PDE1A: variants seen among roughly 807,000 people sequenced by gnomAD.
PDE1A encodes dual specificity calcium/calmodulin-dependent 3',5'-cyclic nucleotide phosphodiesterase 1A.
PDE1A carries 35 observed loss-of-function variants against 61.7 expected under a neutral mutation model. That is an observed-to-expected ratio of 0.57 (90% confidence interval 0.43 to 0.75). PDE1A has a LOEUF of 0.75. Ranked by LOEUF, PDE1A falls within the 30% of genes least tolerant of loss-of-function variation. The pLI is 0.00. For synonymous variants in PDE1A, 232 were observed against 213.2 expected (o/e 1.09, Z -0.77); for missense variants, 597 against 630.6 (o/e 0.95, Z 0.57).
intron 1 of PDE1A, among the ~76,000 whole-genome samples, chr2:182,344,771 T>C (rs150013423): frequency 0.015 from 2,159 of 142,896 alleles, 37 homozygotes; most frequent in South Asian, 0.071. Flanking sequence ...CACACACACA[T>C]ACACAGTGTG....
intron 2 of PDE1A, among the ~76,000 whole-genome samples, chr2:182,501,731 A>G (rs545338915): frequency 6.6e-6 from 1 of 152,212 alleles, no homozygotes; most frequent in Admixed American, 6.5e-5. Flanking sequence ...CAATTCATTG[A>G]CCTCACCCAC....
chr2:182,564,216 T>C, the PDE1A span, among the ~76,000 whole-genome samples: 9 of 152,338 alleles, frequency 5.9e-5, no homozygotes, highest in African/African-American at 1.9e-4. Flanking sequence ...CCATGTTTAG[T>C]GCTTCCTTCA....
chr2:182,246,401 C>CTTT lies in PDE1A; in HGVS notation c.168-6112_168-6110dup, dbSNP rs761118177. 1.6e-3 allele frequency among the ~76,000 whole-genome samples: 100 copies of CTTT among 61,462 alleles called. 14 individuals carry two copies. Among genetic ancestry groups the CTTT allele is most frequent in the African/African-American group, 1.8e-3 (18 of 10,144 alleles). The allele number at this position is 61,462 out of a possible 152,430, so 40.3% of individuals were successfully genotyped here. ...TCTACTATAGTCTTTTTTCTTTTTT[C>CTTT]TTTCTTTTTTTTTTTTTTTTTTGAC... On this transcript the variant is annotated intron_variant, in intron 2 of 13. Coordinates refer to ENST00000351439, the Ensembl canonical transcript of PDE1A.
chr2:182,600,485 G>A, the PDE1A span, among the ~76,000 whole-genome samples: 6 of 152,274 alleles, frequency 3.9e-5, no homozygotes, highest in East Asian at 1.2e-3. Flanking sequence ...TTCATGGAGA[G>A]AGCTGTTTTA....
At chr2:182,527,322 AAAAAAATATATATATATAT>A (rs1690789312), upstream of PDE1A, among the ~76,000 whole-genome samples, 11 of 42,170 alleles carry the variant, frequency 2.6e-4, no homozygotes, top group South Asian at 4.2e-3. Flanking sequence ...AAAAAAAAAA[AAAAAAATATATATATATAT>A]ATATATATAT....
intron 2 of PDE1A, among the ~76,000 whole-genome samples, chr2:182,456,141 A>T (rs2887202): frequency 0.47 from 71,213 of 151,826 alleles, 16,965 homozygotes; most frequent in East Asian, 0.72. Flanking sequence ...ACCTAGCTCT[A>T]ATCGGGTTCT....
intron 1 of PDE1A, among the ~76,000 whole-genome samples, chr2:182,275,734 T>C (rs1693362569): frequency 6.6e-6 from 1 of 152,158 alleles, no homozygotes; most frequent in Non-Finnish European, 1.5e-5. Context: ...CGTAAATTCA[T>C]AATCTCATTA....
the PDE1A span, among the ~76,000 whole-genome samples, chr2:182,531,378 T>TTAA: frequency 4.1e-5 from 6 of 145,472 alleles, no homozygotes; most frequent in South Asian, 1.1e-3. Context: ...AAAAAGGTAG[T>TTAA]AAAAAAAAAA....
At chr2:182,244,367 TA>T (rs72140380) in intron 2 of PDE1A, among the ~76,000 whole-genome samples, 10 of 150,678 alleles carry the variant, frequency 6.6e-5, no homozygotes, top group Non-Finnish European at 3.0e-5. Context: ...TTTCTTTTTT[TA>T]AAAAAACTTT....
intron 1 of PDE1A, among the ~76,000 whole-genome samples, chr2:182,416,740 T>C (rs1702941074): frequency 6.6e-6 from 1 of 152,210 alleles, no homozygotes; most frequent in African/African-American, 2.4e-5. Flanking sequence ...AAAATATGTT[T>C]CTTTGGAACA....
At chr2:182,580,572 G>A in the PDE1A span, among the ~76,000 whole-genome samples, 1 of 152,156 alleles carries the variant, frequency 6.6e-6, no homozygotes, top group African/African-American at 2.4e-5. Context: ...GAATTTGGGG[G>A]TGGAGAGCCA....
At chr2:182,431,506 C>T (rs572100175), upstream of PDE1A, among the ~76,000 whole-genome samples, 6 of 152,260 alleles carry the variant, frequency 3.9e-5, no homozygotes, top group South Asian at 1.2e-3. Context: ...AACTTTACCG[C>T]TTTACCTCTA....
the PDE1A span, among the ~76,000 whole-genome samples, chr2:182,708,690 G>A: frequency 1.3e-5 from 2 of 151,972 alleles, no homozygotes; most frequent in African/African-American, 2.4e-5. Context: ...CAACACATGG[G>A]GACTACAGTT....
chr2:182,666,472 G>A, the PDE1A span, among the ~76,000 whole-genome samples: 1 of 152,006 alleles, frequency 6.6e-6, no homozygotes, highest in Non-Finnish European at 1.5e-5. Flanking sequence ...GCCGGGTGTG[G>A]TGGCGCATGC....
At chr2:182,145,183 A>G (rs570928939), downstream of PDE1A, among the ~76,000 whole-genome samples, 96 of 152,346 alleles carry the variant, frequency 6.3e-4, 1 homozygote, top group African/African-American at 2.2e-3. Flanking sequence ...TAATTCCTTT[A>G]ACATATACTG....
At chr2:182,439,405 CA>C (rs1418355754) in intron 2 of PDE1A, among the ~76,000 whole-genome samples, 1 of 151,850 alleles carries the variant, frequency 6.6e-6, no homozygotes, top group Non-Finnish European at 1.5e-5. Flanking sequence ...AGTAAAGTCC[CA>C]AGAACAAAAC....
chr2:182,147,948 T>C (rs1042600108), intron 13 of PDE1A, among the ~76,000 whole-genome samples: 1 of 152,204 alleles, frequency 6.6e-6, no homozygotes, highest in African/African-American at 2.4e-5. Flanking sequence ...ATTGTAGCAT[T>C]GTATCAATTC....
At chr2:182,287,876 A>G (rs1386294578) in intron 1 of PDE1A, among the ~76,000 whole-genome samples, 2 of 152,120 alleles carry the variant, frequency 1.3e-5, no homozygotes, top group African/African-American at 4.8e-5. Context: ...GAAATTTTAT[A>G]TTTATGTGTA....
chr2:182,277,368 G>A (rs1043174583), intron 1 of PDE1A, among the ~76,000 whole-genome samples: 3 of 152,054 alleles, frequency 2.0e-5, no homozygotes, highest in Non-Finnish European at 2.9e-5. Flanking sequence ...AAGAATATAC[G>A]TTGAAATATT....
Sources: allele counts gnomAD v4.1 joint callset (sites outside exome capture counted in the v4.1 genomes callset), GRCh38; gene constraint gnomAD v4.1.1; transcripts MANE v1.5; gene names NCBI Gene and HGNC (gene_info 2026-07-23, HGNC 2026-07-21).